CPA6: variants seen among roughly 807,000 people sequenced by gnomAD.
CPA6 encodes carboxypeptidase B.
Under a neutral mutation model 63.3 loss-of-function variants are expected in CPA6, and 58 were observed. That is an observed-to-expected ratio of 0.92 (90% CI 0.74 to 1.14). The LOEUF is 1.14. Ranked by LOEUF, CPA6 falls within the 50% of genes most tolerant of loss-of-function variation. CPA6 has a pLI of 0.00. For synonymous variants in CPA6, 185 were observed against 179.0 expected (o/e 1.03, Z -0.27); for missense variants, 565 against 526.6 (o/e 1.07, Z -0.71).
In CPA6 at chr8:67,422,424, T is replaced by C; in HGVS notation, c.*80A>G. ...TGTTCACTCTAAGCAGCTGCCCTTC[T>C]CTTTGAAAACAATTTCTATCCAGGG... On this transcript the variant is annotated 3_prime_UTR_variant, in exon 11 of 11. Coordinates refer to ENST00000297770, the MANE Select transcript of CPA6 (RefSeq NM_020361.5). The C allele has an allele frequency of 7.9e-7, 1 of 1,273,834 alleles. No homozygotes were observed. The highest frequency in any genetic ancestry group is 2.3e-5 in the East Asian group (1 of 43,110). 78.9% of individuals were successfully genotyped at this position (1,273,834 alleles called of 1,614,324 possible).
intron 1 of CPA6, among the ~76,000 whole-genome samples, chr8:67,663,133 A>G (rs1816154148): frequency 6.6e-6 from 1 of 152,214 alleles, no homozygotes; most frequent in African/African-American, 2.4e-5. Flanking sequence ...AATAAAAACT[A>G]AATGTATGCA....
chr8:67,525,546 T>G (rs1167119400), intron 2 of CPA6, among the ~76,000 whole-genome samples: 1 of 152,214 alleles, frequency 6.6e-6, no homozygotes, highest in Non-Finnish European at 1.5e-5. Context: ...AAACTCTATT[T>G]TGGTGTCCAA....
chr8:67,697,711 G>A (rs1460607433), intron 1 of CPA6, among the ~76,000 whole-genome samples: 2 of 151,846 alleles, frequency 1.3e-5, no homozygotes, highest in African/African-American at 4.8e-5. Context: ...AGGTACTCTC[G>A]CAAGCATTAG....
At chr8:67,574,787 A>G (rs1813580449) in intron 2 of CPA6, among the ~76,000 whole-genome samples, 1 of 152,206 alleles carries the variant, frequency 6.6e-6, no homozygotes, top group Non-Finnish European at 1.5e-5. Context: ...CACTGGAAAA[A>G]AACATAGGGG....
intron 2 of CPA6, chr8:67,569,486 G>C (rs897009342): frequency 2.7e-6 from 1 of 369,976 alleles, no homozygotes; most frequent in African/African-American, 2.1e-5. Flanking sequence ...GCTAAGACAG[G>C]GTCTGTAACA....
rs188712311 is a variant in CPA6 at position 67,684,202 on chromosome 8, A to G, written c.117-59951T>C. On this transcript the variant is annotated intron_variant, in intron 1 of 10. Coordinates refer to ENST00000297770, the MANE Select transcript of CPA6 (RefSeq NM_020361.5). ...TGTGCCTGGCCTCTTTTTATTCTTAAAATTTAATTTTTCCTAGGCAAGTCT... is the reference window on the plus strand; with the variant it reads ...TGTGCCTGGCCTCTTTTTATTCTTAGAATTTAATTTTTCCTAGGCAAGTCT... Among the ~76,000 whole-genome samples the G allele has an allele frequency of 1.7e-3, 265 of 151,526 alleles. 1 individual carries two copies. Among genetic ancestry groups the G allele is most frequent in the African/African-American group, 6.1e-3 (254 of 41,346 alleles).
chr8:67,741,611 T>G (rs971062355), intron 1 of CPA6, among the ~76,000 whole-genome samples: 2 of 152,164 alleles, frequency 1.3e-5, no homozygotes, highest in South Asian at 2.1e-4. Flanking sequence ...TAGCATTAGA[T>G]TCTCAATAGG....
At chr8:67,621,725 T>G (rs551121326) in intron 2 of CPA6, among the ~76,000 whole-genome samples, 1 of 152,300 alleles carries the variant, frequency 6.6e-6, no homozygotes, top group Admixed American at 6.5e-5. Context: ...TATCCTAATA[T>G]TAAGCTTCTT....
At chr8:67,444,291 A>G (rs1810364700) in intron 8 of CPA6, among the ~76,000 whole-genome samples, 1 of 151,976 alleles carries the variant, frequency 6.6e-6, no homozygotes, top group Non-Finnish European at 1.5e-5. Context: ...CCGGGACGAC[A>G]GTAGTTGTTT....
intron 8 of CPA6, among the ~76,000 whole-genome samples, chr8:67,457,297 T>C (rs915592625): frequency 6.6e-6 from 1 of 152,262 alleles, no homozygotes; most frequent in African/African-American, 2.4e-5. Context: ...TAAAAATTTA[T>C]TAAGTAAATG....
intron 2 of CPA6, among the ~76,000 whole-genome samples, chr8:67,619,568 T>C (rs1224683454): frequency 6.6e-6 from 1 of 152,236 alleles, no homozygotes; most frequent in South Asian, 2.1e-4. Flanking sequence ...ATCCACATTG[T>C]GGGGAGCACG....
chr8:67,457,036 T>G (rs555585912), intron 8 of CPA6, among the ~76,000 whole-genome samples: 1 of 152,342 alleles, frequency 6.6e-6, no homozygotes, highest in Non-Finnish European at 1.5e-5. Flanking sequence ...TTGCCACGCC[T>G]TCAGCCTGGC....
chr8:67,571,309 A>T (rs901818885), intron 2 of CPA6, among the ~76,000 whole-genome samples: 4 of 152,216 alleles, frequency 2.6e-5, no homozygotes, highest in African/African-American at 9.6e-5. Context: ...ACAGAAAGTT[A>T]TTGAGGAACC....
intron 1 of CPA6, among the ~76,000 whole-genome samples, chr8:67,715,293 G>T (rs1020177168): frequency 6.6e-6 from 1 of 152,144 alleles, no homozygotes; most frequent in African/African-American, 2.4e-5. Flanking sequence ...TGACCAACTG[G>T]CTATAAACTG....
At chr8:67,684,533 C>T (rs1362872351) in intron 1 of CPA6, among the ~76,000 whole-genome samples, 1 of 152,124 alleles carries the variant, frequency 6.6e-6, no homozygotes, top group African/African-American at 2.4e-5. Context: ...GGTTTCACCA[C>T]AGGCTGAGGA....
intron 6 of CPA6, among the ~76,000 whole-genome samples, chr8:67,496,570 T>TA (rs1478402867): frequency 7.0e-6 from 1 of 142,960 alleles, no homozygotes; most frequent in Non-Finnish European, 1.5e-5. Context: ...TATTTTATTT[T>TA]TTTTTTTTGA....
intron 1 of CPA6, among the ~76,000 whole-genome samples, chr8:67,626,949 C>T (rs1815206777): frequency 6.6e-6 from 1 of 151,502 alleles, no homozygotes; most frequent in Non-Finnish European, 1.5e-5. Context: ...TACAAAGAAA[C>T]TACCCTTGGG....
intron 1 of CPA6, among the ~76,000 whole-genome samples, chr8:67,729,457 A>C (rs532682999): frequency 6.6e-6 from 1 of 152,330 alleles, no homozygotes; most frequent in Admixed American, 6.5e-5. Context: ...CAGGAGTAAC[A>C]ACAAAACTTC....
intron 1 of CPA6, among the ~76,000 whole-genome samples, chr8:67,628,200 G>C (rs995800232): frequency 1.3e-5 from 2 of 151,792 alleles, no homozygotes; most frequent in African/African-American, 4.8e-5. Flanking sequence ...GTGACAGAGC[G>C]AGACTCCATC....
Sources: gnomAD v4.1 joint callset for allele counts (sites outside exome capture counted in the v4.1 genomes callset) on GRCh38, gnomAD v4.1.1 for gene constraint, MANE v1.5 for transcripts, NCBI Gene and HGNC (gene_info 2026-07-23, HGNC 2026-07-21) for gene names.